Variants in OPHN1 observed in about 807,000 individuals in gnomAD.
OPHN1 encodes oligophrenin 1.
In OPHN1, 11 loss-of-function variants were observed where a neutral mutation model predicts 60.7. That is an observed-to-expected ratio of 0.18 (90% CI 0.11 to 0.30). The LOEUF is 0.30. OPHN1 is among the 10% of genes least tolerant of loss of function. The pLI is 1.00. For synonymous variants in OPHN1, 226 were observed against 222.6 expected (o/e 1.02, Z -0.14); for missense variants, 449 against 611.0 (o/e 0.73, Z 2.80).
At chrX:68,082,273 C>A (rs1045460950) in intron 19 of OPHN1, among the ~76,000 whole-genome samples, 1 of 111,730 alleles carries the variant, frequency 9.0e-6, no homozygotes, top group African/African-American at 3.3e-5. Flanking sequence ...GATATTTTGA[C>A]CTCCTCTCAT....
chrX:68,192,781 A>G, intron 15 of OPHN1, 138 bp downstream of exon 15: 1 of 522,599 alleles, frequency 1.9e-6, no homozygotes, highest in Non-Finnish European at 3.3e-6. Flanking sequence ...GTGGGCAAGT[A>G]TGTGTATGTT....
intron 15 of OPHN1, among the ~76,000 whole-genome samples, chrX:68,121,474 C>A (rs776780613): frequency 9.0e-6 from 1 of 111,655 alleles, no homozygotes; most frequent in South Asian, 3.8e-4. Context: ...CTGAACTCAG[C>A]TAAGGACAAC....
At chrX:68,313,766 A>C (rs746676712) in intron 2 of OPHN1, among the ~76,000 whole-genome samples, 11 of 112,024 alleles carry the variant, frequency 9.8e-5, no homozygotes, top group Non-Finnish European at 1.7e-4. Flanking sequence ...AGAATGAATA[A>C]AATCTAGTAC....
chrX:68,357,218 A>G lies in OPHN1; in HGVS notation c.155-58122T>C, dbSNP rs761849640. Among the ~76,000 whole-genome samples the G allele has an allele frequency of 2.7e-5, 3 of 112,074 alleles. No individual in the cohort carries two copies. The East Asian group carries it at 8.4e-4, about 31-fold the overall frequency. On this transcript the variant is annotated intron_variant, in intron 2 of 24. Coordinates refer to ENST00000355520, the MANE Select transcript of OPHN1 (RefSeq NM_002547.3). ...CCGCAGCATTTCTCTAGCTCTCAGC[A>G]AAACAGAGTGTATCTGTGTTTTGCT...
intron 2 of OPHN1, among the ~76,000 whole-genome samples, chrX:68,418,006 G>A (rs1275974451): frequency 1.8e-5 from 2 of 112,594 alleles, no homozygotes; most frequent in African/African-American, 6.5e-5. Flanking sequence ...TGCTGCAATG[G>A]AAATCTCTAT....
intron 2 of OPHN1, among the ~76,000 whole-genome samples, chrX:68,335,165 T>C (rs2078315814): frequency 1.3e-5 from 1 of 78,533 alleles, no homozygotes; most frequent in South Asian, 6.6e-4. Flanking sequence ...ATTCTTCCTC[T>C]CCTTAAAAAA....
intron 2 of OPHN1, among the ~76,000 whole-genome samples, chrX:68,337,037 G>C (rs953670142): frequency 1.8e-5 from 2 of 110,293 alleles, no homozygotes; most frequent in African/African-American, 6.6e-5. Flanking sequence ...CTCCAGCCTG[G>C]GTGACAGAGT....
intron 5 of OPHN1, among the ~76,000 whole-genome samples, chrX:68,271,696 G>T (rs1418435836): frequency 8.9e-6 from 1 of 111,756 alleles, no homozygotes; most frequent in Non-Finnish European, 1.9e-5. Flanking sequence ...TAAAGAGAAG[G>T]TGGGAAAACT....
At chrX:68,355,676 T>C (rs779823865) in intron 2 of OPHN1, among the ~76,000 whole-genome samples, 1 of 112,178 alleles carries the variant, frequency 8.9e-6, no homozygotes, top group Non-Finnish European at 1.9e-5. Context: ...GTGCTAATTT[T>C]AAATTGCATA....
intron 2 of OPHN1, among the ~76,000 whole-genome samples, chrX:68,308,299 A>G (rs1204400118): frequency 8.9e-6 from 1 of 112,331 alleles, no homozygotes; most frequent in African/African-American, 3.2e-5. Flanking sequence ...TTCACAAAAA[A>G]TAAATTGGCT....
chrX:68,198,640 T>A (rs926013537), intron 11 of OPHN1, among the ~76,000 whole-genome samples: 6 of 111,683 alleles, frequency 5.4e-5, no homozygotes, highest in Admixed American at 4.8e-4. Context: ...GAAAACATTG[T>A]TCCTTCCACA....
intron 17 of OPHN1, among the ~76,000 whole-genome samples, chrX:68,112,897 A>G (rs773933119): frequency 3.6e-5 from 4 of 112,294 alleles, no homozygotes; most frequent in Non-Finnish European, 5.6e-5. Flanking sequence ...TTCTGATGGA[A>G]GAGGCAATGA....
At chrX:68,291,111 A>G (rs1370525934) in intron 3 of OPHN1, among the ~76,000 whole-genome samples, 1 of 111,767 alleles carries the variant, frequency 8.9e-6, no homozygotes, top group African/African-American at 3.3e-5. Context: ...ATCCAAGACC[A>G]TGTTTCTAAA....
intron 5 of OPHN1, among the ~76,000 whole-genome samples, chrX:68,251,505 C>A (rs1208239528): frequency 9.0e-6 from 1 of 111,021 alleles, no homozygotes; most frequent in East Asian, 2.9e-4. Context: ...ATTAACTATT[C>A]TTCTAAAGCA....
In OPHN1 at chrX:68,201,725, G is replaced by GAATT; in HGVS notation, c.934-19_934-16dup. 2 of 1,153,214 alleles carry GAATT rather than the reference G, an allele frequency of 1.7e-6. No individual in the cohort carries two copies. The highest frequency in any genetic ancestry group is 2.4e-6 in the Non-Finnish European group (2 of 842,880). On this transcript the variant is annotated splice_polypyrimidine_tract_variant and intron_variant, in intron 10 of 24. Transcript: ENST00000355520. ...TCCAAGGGCCCCTGATATGAAACAA[G>GAATT]AATTAACAGGCAATTTTTAAAAAAA...
At chrX:68,075,654 G>C (rs1368301695) in intron 19 of OPHN1, among the ~76,000 whole-genome samples, 5 of 110,027 alleles carry the variant, frequency 4.5e-5, no homozygotes, top group African/African-American at 1.3e-4. Flanking sequence ...ATAGATCAAT[G>C]GAACAAAATA....
At chrX:68,257,095 CTACAG>C (rs1229096604) in intron 5 of OPHN1, among the ~76,000 whole-genome samples, 3 of 110,352 alleles carry the variant, frequency 2.7e-5, no homozygotes, top group East Asian at 5.6e-4. Context: ...CTTTAATAGA[CTACAG>C]TACGGTGTAA....
intron 19 of OPHN1, among the ~76,000 whole-genome samples, chrX:68,086,234 T>A (rs1250101374): frequency 9.4e-6 from 1 of 105,989 alleles, no homozygotes; most frequent in Non-Finnish European, 1.9e-5. Context: ...TCATAGCATA[T>A]GGAGACTTTC....
Position 68,045,312 on chromosome X carries a change from T to C in OPHN1, c.*1860A>G, listed in dbSNP as rs933461611. ...CAATTACTTTCAAAAAGGCTCTCAGTGTACTTGGCCTTACATGTTCCTAAC... is the reference window on the plus strand; with the variant it reads ...CAATTACTTTCAAAAAGGCTCTCAGCGTACTTGGCCTTACATGTTCCTAAC... On this transcript the variant is annotated 3_prime_UTR_variant, in exon 25 of 25. Transcript: ENST00000355520. 14 of 112,236 alleles carry C rather than the reference T, an allele frequency of 1.2e-4. No homozygotes were observed. Among genetic ancestry groups the C allele is most frequent in the African/African-American group, 4.5e-4 (14 of 30,869 alleles). 9.2% of individuals were successfully genotyped at this position (112,236 alleles called of 1,213,427 possible).
Sources: allele counts gnomAD v4.1 joint callset (sites outside exome capture counted in the v4.1 genomes callset), GRCh38; gene constraint gnomAD v4.1.1; transcripts MANE v1.5; gene names NCBI Gene and HGNC (gene_info 2026-07-23, HGNC 2026-07-21).